Variants in RBFOX3 observed in about 807,000 individuals in gnomAD.
RBFOX3 encodes RNA binding fox-1 homolog 3.
A neutral mutation model predicts 48.7 loss-of-function variants in RBFOX3; 17 were observed. The ratio of observed to expected loss-of-function variants is 0.35; its 90% CI spans 0.24 to 0.52. RBFOX3 has a LOEUF of 0.52. RBFOX3 is among the 20% of genes least tolerant of loss of function. The pLI, the probability that RBFOX3 is intolerant of heterozygous loss-of-function variation, is 0.94. For synonymous variants in RBFOX3, 212 were observed against 209.5 expected (o/e 1.01, Z -0.10); for missense variants, 382 against 497.5 (o/e 0.77, Z 2.21).
At chr17:79,377,856 C>G (rs189729223) in intron 2 of RBFOX3, among the ~76,000 whole-genome samples, 36 of 152,298 alleles carry the variant, frequency 2.4e-4, no homozygotes, top group Non-Finnish European at 1.9e-4. Flanking sequence ...GCCTGCGGGA[C>G]TGGGTCACCT....
intron 4 of RBFOX3, among the ~76,000 whole-genome samples, chr17:79,172,777 C>T (rs1343738147): frequency 6.6e-6 from 1 of 152,212 alleles, no homozygotes; most frequent in Non-Finnish European, 1.5e-5. Context: ...ATCTCAAAGA[C>T]AGTACAGACA....
intron 1 of RBFOX3, among the ~76,000 whole-genome samples, chr17:79,580,390 A>G (rs1452473157): frequency 6.6e-6 from 1 of 151,396 alleles, no homozygotes; most frequent in African/African-American, 2.4e-5. Flanking sequence ...AGCATGTCCT[A>G]TCTTTTCATA....
rs113038671 is a variant in RBFOX3 at position 79,197,452 on chromosome 17, G to A, written c.-34+38314C>T. On this transcript the variant is annotated intron_variant, in intron 4 of 14. Transcript: ENST00000693108. ...CGCCCAGGCTGGAGTGCAGTGGCAT[G>A]ATCTCGGCTCACCGCAACCTCTGCC... Among the ~76,000 whole-genome samples the A allele has an allele frequency of 2.1e-3, 300 of 143,982 alleles. 3 individuals carry two copies. The highest frequency in any genetic ancestry group is 7.0e-3 in the African/African-American group (274 of 38,950). 94.5% of individuals were successfully genotyped at this position (143,982 alleles called of 152,430 possible). A position where few individuals can be genotyped will look rare whatever the true frequency, so the allele number is the denominator to read the frequency against.
At chr17:79,405,834 C>A (rs1320260745) in intron 2 of RBFOX3, among the ~76,000 whole-genome samples, 2 of 152,214 alleles carry the variant, frequency 1.3e-5, no homozygotes, top group African/African-American at 2.4e-5. Flanking sequence ...TCCCCTCATG[C>A]CCCTCCCCAG....
At chr17:79,218,017 C>G (rs963315627) in intron 4 of RBFOX3, among the ~76,000 whole-genome samples, 1 of 151,618 alleles carries the variant, frequency 6.6e-6, no homozygotes, top group Non-Finnish European at 1.5e-5. Flanking sequence ...AGTGGGAAGT[C>G]GGGGTAGAGG....
chr17:79,580,267 C>T (rs1162880115), intron 1 of RBFOX3, among the ~76,000 whole-genome samples: 7 of 122,056 alleles, frequency 5.7e-5, no homozygotes, highest in Admixed American at 1.7e-4. Context: ...CCCCCGTCCT[C>T]CTCCTCCCCC....
intron 3 of RBFOX3, among the ~76,000 whole-genome samples, chr17:79,290,479 T>C (rs970301880): frequency 5.9e-5 from 9 of 152,036 alleles, no homozygotes; most frequent in Non-Finnish European, 1.0e-4. Context: ...GCACAGCCTA[T>C]GTGTGGCTCT....
chr17:79,149,779 C>T (rs975319186), intron 4 of RBFOX3, among the ~76,000 whole-genome samples: 4 of 151,326 alleles, frequency 2.6e-5, no homozygotes, highest in African/African-American at 9.7e-5. Flanking sequence ...CAGGGCAGGG[C>T]GGCTGCTGGG....
intron 1 of RBFOX3, among the ~76,000 whole-genome samples, chr17:79,557,428 C>T (rs2091862912): frequency 6.8e-6 from 1 of 146,488 alleles, no homozygotes; most frequent in Non-Finnish European, 1.5e-5. Flanking sequence ...AAACCCAAGT[C>T]CAGTCTACTC....
chr17:79,606,572 G>T (rs976578592), intron 1 of RBFOX3, among the ~76,000 whole-genome samples: 56 of 152,232 alleles, frequency 3.7e-4, no homozygotes, highest in African/African-American at 1.3e-3. Context: ...GGCGTGTTTT[G>T]GTGTCAGTCT....
intron 8 of RBFOX3, 90 bp from the exon 9 acceptor site, chr17:79,101,734 C>A (rs1475335729): frequency 1.8e-6 from 2 of 1,092,742 alleles, no homozygotes; most frequent in African/African-American, 3.1e-5. Flanking sequence ...GCTCCGTTAG[C>A]CCCCGGCACC....
At chr17:79,565,769 G>A (rs2092431842) in intron 1 of RBFOX3, among the ~76,000 whole-genome samples, 1 of 152,174 alleles carries the variant, frequency 6.6e-6, no homozygotes, top group Non-Finnish European at 1.5e-5. Flanking sequence ...AAAGGGTAGA[G>A]CAGGGTCTCC....
At chr17:79,507,955 A>T (rs1441069676) in intron 1 of RBFOX3, among the ~76,000 whole-genome samples, 1 of 152,196 alleles carries the variant, frequency 6.6e-6, no homozygotes, top group Non-Finnish European at 1.5e-5. Context: ...CCTTCACCAG[A>T]CAGCTTTTCT....
intron 4 of RBFOX3, among the ~76,000 whole-genome samples, chr17:79,137,484 C>T (rs902517747): frequency 9.8e-5 from 15 of 152,362 alleles, no homozygotes; most frequent in African/African-American, 2.9e-4. Context: ...CACACACACG[C>T]GCCTGCAGTG....
intron 4 of RBFOX3, among the ~76,000 whole-genome samples, chr17:79,167,346 T>C (rs903540595): frequency 6.6e-6 from 1 of 151,948 alleles, no homozygotes. Context: ...CTGGGGTCTC[T>C]ATCAGGCTCT....
chr17:79,348,335 A>G (rs1273563749), intron 2 of RBFOX3, among the ~76,000 whole-genome samples: 2 of 152,176 alleles, frequency 1.3e-5, no homozygotes, highest in Admixed American at 1.3e-4. Flanking sequence ...GAGCTGGGCT[A>G]AGTAAGAACA....
chr17:79,509,249 A>C (rs1362015979), intron 1 of RBFOX3, among the ~76,000 whole-genome samples: 1 of 152,128 alleles, frequency 6.6e-6, no homozygotes, highest in Non-Finnish European at 1.5e-5. Flanking sequence ...GGTCGATAGG[A>C]GCGCCAGAGC....
At chr17:79,538,679 G>T (rs1241250514) in intron 1 of RBFOX3, among the ~76,000 whole-genome samples, 1 of 152,218 alleles carries the variant, frequency 6.6e-6, no homozygotes, top group Non-Finnish European at 1.5e-5. Flanking sequence ...TCAGACCCAA[G>T]AATCAGGATG....
At chr17:79,466,079 A>T (rs186146305) in intron 2 of RBFOX3, among the ~76,000 whole-genome samples, 1 of 152,284 alleles carries the variant, frequency 6.6e-6, no homozygotes, top group Admixed American at 6.5e-5. Context: ...GCATGTGTGG[A>T]GACACCTGGC....
Sources: gnomAD v4.1 joint callset for allele counts (sites outside exome capture counted in the v4.1 genomes callset) on GRCh38, gnomAD v4.1.1 for gene constraint, MANE v1.5 for transcripts, NCBI Gene and HGNC (gene_info 2026-07-23, HGNC 2026-07-21) for gene names.